HMCN2: variants seen among roughly 807,000 people sequenced by gnomAD.
HMCN2 encodes the protein hemicentin 2.
Under a neutral mutation model 377.5 loss-of-function variants are expected in HMCN2, and 325 were observed. That is an observed-to-expected ratio of 0.86 (90% confidence interval 0.79 to 0.94). The LOEUF is 0.94. Among genes scored for constraint, HMCN2 ranks in the 40% least tolerant of loss-of-function variants. The probability of loss-of-function intolerance (pLI) is 0.00; values close to 1 mark genes in which losing one functional copy is unlikely to be tolerated. For synonymous variants in HMCN2, 2,007 were observed against 2,046.8 expected (o/e 0.98, Z 0.53); for missense variants, 4,543 against 4,725.3 (o/e 0.96, Z 1.13).
Position 130,393,840 on chromosome 9 carries a change from C to T in HMCN2, c.10333C>T (p.Pro3445Ser). 3 of 1,289,494 alleles carry T rather than the reference C, an allele frequency of 2.3e-6. No individual in the cohort carries two copies. The highest frequency in any genetic ancestry group is 3.0e-6 in the Non-Finnish European group (3 of 988,718). The allele number at this position is 1,289,494 out of a possible 1,614,324, so 79.9% of individuals were successfully genotyped here. A position where few individuals can be genotyped will look rare whatever the true frequency, so the allele number is the denominator to read the frequency against. Residue 3445 changes from proline to serine, a missense_variant, in exon 68 of 98, where the codon CCT (proline) becomes TCT (serine). This residue lies in a region of HMCN2 where 1,073 missense variants were observed against 1,319.5 expected (regional missense o/e 0.81). Coordinates refer to ENST00000683500, the MANE Select transcript of HMCN2 (RefSeq NM_001291815.2). This position sits in a 1 kb window ranked among gnomAD's most constrained non-coding sequence, Gnocchi z 5.2. ...LPCEARGVPL[P>S]LVSWMKDGEP... ...GTGCGAGGCCCGGGGCGTTCCCCTG[C>T]CTCTCGTGTCGTGGATGAAGGATGG...
Position 130,423,169 on chromosome 9 carries a change from C to A in HMCN2, c.13381+443C>A, listed in dbSNP as rs1403911214. On this transcript the variant is annotated intron_variant, in intron 87 of 97. Coordinates refer to ENST00000683500, the MANE Select transcript of HMCN2 (RefSeq NM_001291815.2). This position sits in a 1 kb window ranked among gnomAD's most constrained non-coding sequence, Gnocchi z 5.5. ...CGGGAAACATGGAGAATTGAATTGC[C>A]TAGAAAACCTAGAGGACTAAGAAGA... 6.6e-6 allele frequency among the ~76,000 whole-genome samples: 1 copy of A among 152,124 alleles called. No homozygotes were observed. Among genetic ancestry groups the A allele is most frequent in the East Asian group, 1.9e-4 (1 of 5,194 alleles).
chr9:130,347,187 C>T lies in HMCN2; in HGVS notation c.3851C>T (p.Thr1284Ile), dbSNP rs1449513645. The T allele has an allele frequency of 6.6e-6, 1 of 152,288 alleles. No individual in the cohort carries two copies. Among genetic ancestry groups the T allele is most frequent in the Non-Finnish European group, 1.5e-5 (1 of 68,088 alleles). The allele number at this position is 152,288 out of a possible 1,614,324, so 9.4% of individuals were successfully genotyped here. A position where few individuals can be genotyped will look rare whatever the true frequency, so the allele number is the denominator to read the frequency against. ...PARGTPKPQV[T>I]WRKGPSSEPL... Reference sequence around the variant, plus strand: ...CCAGGAACGCCCAAGCCGCAGGTCACATGGAGGAAGGGCCCGTCCTCGGAG... The same window carrying T: ...CCAGGAACGCCCAAGCCGCAGGTCATATGGAGGAAGGGCCCGTCCTCGGAG... Residue 1284 changes from threonine (T) to isoleucine (I), a missense_variant, in exon 26 of 98, where the codon ACA becomes ATA. This residue lies in a region of HMCN2 where 547 missense variants were observed against 189.9 expected (regional missense o/e 2.88). Coordinates refer to ENST00000683500, the MANE Select transcript of HMCN2 (RefSeq NM_001291815.2). The surrounding 1 kb of genome is among the most constrained non-coding windows in gnomAD (Gnocchi z 5.1).
intron 1 of HMCN2, among the ~76,000 whole-genome samples, chr9:130,272,605 T>C (rs1834462737): frequency 1.3e-5 from 2 of 152,162 alleles, no homozygotes; most frequent in South Asian, 4.1e-4. Flanking sequence ...TGGGTGGCAG[T>C]GGCTCGATCA....
rs1040571259 is a variant in HMCN2 at position 130,390,869 on chromosome 9, C to T, written c.9524-108C>T. 8.6e-6 allele frequency: 6 copies of T among 701,534 alleles called. No homozygotes were observed. In the African/African-American group the frequency reaches 1.2e-4, roughly 14 times the overall value. The allele number at this position is 701,534 out of a possible 1,614,324, so 43.5% of individuals were successfully genotyped here. A position where few individuals can be genotyped will look rare whatever the true frequency, so the allele number is the denominator to read the frequency against. On this transcript the variant is annotated intron_variant, in intron 62 of 97. Transcript: ENST00000683500. The stretch of plus-strand genomic sequence containing the variant: ...AGGCTTCTAAGGAACAGAGACTGGG[C>T]TGGGGAAGGTGGGGACATATAAGAA...
intron 40 of HMCN2, among the ~76,000 whole-genome samples, chr9:130,364,376 T>C (rs113209327): frequency 0.028 from 4,284 of 152,358 alleles, 80 homozygotes; most frequent in Middle Eastern, 0.11. Flanking sequence ...TTCTGAGACC[T>C]GCTTAAAAAA....
At position 130,267,476 on chromosome 9, in the gene HMCN2, A is replaced by ACACACGCG. The variant is rs1265312371; in HGVS notation, c.259+1340_259+1341insACACGCGC. On this transcript the variant is annotated intron_variant, in intron 1 of 97. Transcript: ENST00000683500. ...CACACACACACACACACACACACACACGCACAGATTCCTTGCTAAATTGTA... is the reference window on the plus strand; with the variant it reads ...CACACACACACACACACACACACACACACACGCGCGCACAGATTCCTTGCTAAATTGTA... Among the ~76,000 whole-genome samples the ACACACGCG allele has an allele frequency of 1.5e-4, 22 of 149,932 alleles. 1 individual carries two copies. In the East Asian group the frequency reaches 2.9e-3, roughly 20 times the overall value.
chr9:130,267,638 G>T (rs1367283104), intron 1 of HMCN2, among the ~76,000 whole-genome samples: 2 of 152,250 alleles, frequency 1.3e-5, no homozygotes, highest in Non-Finnish European at 2.9e-5. Context: ...ACAGTGGGAA[G>T]ACATAGTTCT....
intron 5 of HMCN2, 40 bp from the exon 6 acceptor site, chr9:130,295,626 C>A (rs1836087372): frequency 2.2e-6 from 1 of 455,106 alleles, no homozygotes; most frequent in African/African-American, 2.0e-5. Context: ...CCACCCCCAG[C>A]AAAGGGTTAG....
rs1035402604 is a variant in HMCN2 at position 130,414,764 on chromosome 9, G to A, written c.12962-4008G>A. 3.9e-5 allele frequency among the ~76,000 whole-genome samples: 6 copies of A among 152,002 alleles called. No individual in the cohort carries two copies. Among genetic ancestry groups the A allele is most frequent in the South Asian group, 2.1e-4 (1 of 4,824 alleles). On this transcript the variant is annotated intron_variant, in intron 85 of 97. Coordinates refer to ENST00000683500, the MANE Select transcript of HMCN2 (RefSeq NM_001291815.2). This position sits in a 1 kb window ranked among gnomAD's most constrained non-coding sequence, Gnocchi z 4.4. Reference sequence around the variant, plus strand: ...ACTGCAGGCACGTGCCACCACACCCGGCTAATTTTTATTTTTATGTATTTA... The same window carrying A: ...ACTGCAGGCACGTGCCACCACACCCAGCTAATTTTTATTTTTATGTATTTA...
intron 51 of HMCN2, 142 bp downstream of exon 51, chr9:130,376,131 C>T (rs1338101338): frequency 2.7e-5 from 5 of 184,700 alleles, no homozygotes; most frequent in Non-Finnish European, 4.1e-5. Flanking sequence ...GCAGCTAGGG[C>T]GGGCTCCAGA....
intron 35 of HMCN2, 85 bp from the exon 36 acceptor site, chr9:130,358,305 G>A (rs373690965): frequency 5.4e-6 from 7 of 1,293,474 alleles, no homozygotes; most frequent in South Asian, 2.5e-5. Flanking sequence ...TCCTGCCCCC[G>A]GGCTCGGCAG....
At chr9:130,325,043 C>G (rs1234636758) in intron 19 of HMCN2, among the ~76,000 whole-genome samples, 1 of 152,054 alleles carries the variant, frequency 6.6e-6, no homozygotes, top group Non-Finnish European at 1.5e-5. Flanking sequence ...GCTTCCTCCC[C>G]CAACCTGGCA....
chr9:130,306,013 T>C (rs1554936531), intron 11 of HMCN2, 116 bp from the exon 12 acceptor site: 6 of 407,700 alleles, frequency 1.5e-5, no homozygotes, highest in Admixed American at 2.7e-5. Flanking sequence ...GGGTCTTTGC[T>C]TTCTCTGTCT....
intron 66 of HMCN2, among the ~76,000 whole-genome samples, chr9:130,392,816 G>A (rs542273636): frequency 3.3e-5 from 5 of 152,182 alleles, no homozygotes; most frequent in African/African-American, 1.2e-4. Context: ...CTAACACGGT[G>A]AAACCCCGTC....
chr9:130,373,522 C>T lies in HMCN2; in HGVS notation c.7438+398C>T, dbSNP rs145850607. Reference sequence around the variant, plus strand: ...CTGCTGCCTTGTCACCATGGTTTCCCCAGTGCCTGGCAGAGTAGGCTCCCA... The same window carrying T: ...CTGCTGCCTTGTCACCATGGTTTCCTCAGTGCCTGGCAGAGTAGGCTCCCA... On this transcript the variant is annotated intron_variant, in intron 48 of 97. Coordinates refer to ENST00000683500, the MANE Select transcript of HMCN2 (RefSeq NM_001291815.2). Among the ~76,000 whole-genome samples, 516 of 143,052 alleles carry T rather than the reference C, an allele frequency of 3.6e-3. 1 individual carries two copies. The highest frequency in any genetic ancestry group is 5.3e-3 in the Non-Finnish European group (357 of 66,936). 93.8% of individuals were successfully genotyped at this position (143,052 alleles called of 152,430 possible).
In HMCN2 at chr9:130,308,263, G is replaced by A. The variant is rs1342166960; in HGVS notation, c.2200+697G>A. On this transcript the variant is annotated intron_variant, in intron 14 of 97. Transcript: ENST00000683500. This position sits in a 1 kb window ranked among gnomAD's most constrained non-coding sequence, Gnocchi z 4.1. ...TGAGCCACTGTGCCTGGCCATATGT[G>A]CAAAGGTTTTAGAACAAGCTTGGCA... Among the ~76,000 whole-genome samples the A allele has an allele frequency of 6.6e-6, 1 of 152,186 alleles. No homozygotes were observed. The highest frequency in any genetic ancestry group is 6.5e-5 in the Admixed American group (1 of 15,280).
rs1355867008 is a variant in HMCN2 at position 130,299,055 on chromosome 9, CG to C, written c.1046del (p.Gly349AlafsTer2). 5 of 470,692 alleles carry C rather than the reference CG, an allele frequency of 1.1e-5. No individual in the cohort carries two copies. The highest frequency in any genetic ancestry group is 1.0e-4 in the African/African-American group (5 of 50,038). 29.2% of individuals were successfully genotyped at this position (470,692 alleles called of 1,614,324 possible). A position where few individuals can be genotyped will look rare whatever the true frequency, so the allele number is the denominator to read the frequency against. On this transcript the variant is annotated frameshift_variant, in exon 8 of 98. Coordinates refer to ENST00000683500, the MANE Select transcript of HMCN2 (RefSeq NM_001291815.2). LOFTEE classifies it high-confidence loss of function. ...GVPISLVINS[T>X]GLKAPGRLDS... is the part of the protein sequence containing the mutation. Reference sequence around the variant, plus strand: ...CCCATCTCCCTGGTGATCAATTCCACGGGCCTGAAGGCACCCGGCCGCCTAG... The same window carrying C: ...CCCATCTCCCTGGTGATCAATTCCACGGCCTGAAGGCACCCGGCCGCCTAG...
Position 130,415,604 on chromosome 9 carries a change from G to GA in HMCN2, c.12962-3161dup, listed in dbSNP as rs200140872. On this transcript the variant is annotated intron_variant, in intron 85 of 97. Transcript: ENST00000683500. ...AGTTGTCAACATGCTTGAAACAAGT[G>GA]AAAAAAACAGAAAATCTCAGCAAAA... is the stretch of plus-strand genomic sequence containing the variant. Among the ~76,000 whole-genome samples, 1,066 of 152,264 alleles carry GA rather than the reference G, an allele frequency of 7.0e-3. 9 individuals are homozygous for GA. Among genetic ancestry groups the GA allele is most frequent in the African/African-American group, 0.024 (994 of 41,538 alleles).
At chr9:130,427,958 C>T (rs1038511373) in intron 92 of HMCN2, among the ~76,000 whole-genome samples, 1 of 152,208 alleles carries the variant, frequency 6.6e-6, no homozygotes, top group Non-Finnish European at 1.5e-5. Flanking sequence ...CTGAGACTGG[C>T]AAGTGAGTTG....
Sources: gnomAD v4.1 joint callset for allele counts (sites outside exome capture counted in the v4.1 genomes callset) on GRCh38, gnomAD v4.1.1 for gene constraint, gnomAD v4.1.1 regional missense constraint, Gnocchi (gnomAD v3.1) non-coding constraint, MANE v1.5 for transcripts, NCBI Gene and HGNC (gene_info 2026-07-23, HGNC 2026-07-21) for gene names.